ATAD2B: variants seen among roughly 807,000 people sequenced by gnomAD.
ATAD2B encodes the protein ATPase family AAA domain-containing protein 2B.
In ATAD2B, 40 loss-of-function variants were observed where a neutral mutation model predicts 167.6. The observed-to-expected ratio is 0.24, with a 90% CI of 0.19 to 0.31. The LOEUF (loss-of-function observed/expected upper bound fraction) is 0.31. Ranked by LOEUF, ATAD2B falls within the 10% of genes least tolerant of loss-of-function variation. The pLI is 1.00. For synonymous variants in ATAD2B, 579 were observed against 596.5 expected (o/e 0.97, Z 0.43); for missense variants, 1,242 against 1,757.2 (o/e 0.71, Z 5.24).
At chr2:23,805,883 C>T (rs1684312477) in intron 18 of ATAD2B, among the ~76,000 whole-genome samples, 1 of 147,460 alleles carries the variant, frequency 6.8e-6, no homozygotes, top group Admixed American at 6.7e-5. Flanking sequence ...TTTTTATTTT[C>T]CCCCATAAAT....
At chr2:23,876,042 G>A in intron 7 of ATAD2B, 138 bp from the exon 8 acceptor site, 1 of 636,176 alleles carries the variant, frequency 1.6e-6, no homozygotes, top group Non-Finnish European at 2.7e-6. Flanking sequence ...ACGCCAGGCT[G>A]GAATGCAGTG....
the ATAD2B span, among the ~76,000 whole-genome samples, chr2:23,734,776 TGGG>T: frequency 6.6e-6 from 1 of 152,176 alleles, no homozygotes; most frequent in Admixed American, 6.5e-5. Flanking sequence ...ACATGAGATG[TGGG>T]TGGGGACACA....
intron 21 of ATAD2B, among the ~76,000 whole-genome samples, 177 bp from the exon 22 acceptor site, chr2:23,783,205 C>T (rs1680315360): frequency 6.6e-6 from 1 of 151,648 alleles, no homozygotes; most frequent in South Asian, 2.1e-4. Flanking sequence ...GTCATACTTT[C>T]CATGAAAGCT....
At chr2:23,695,644 G>A in the ATAD2B span, 7 of 1,551,050 alleles carry the variant, frequency 4.5e-6, no homozygotes, top group South Asian at 1.2e-5. This position sits in a 1 kb window ranked among gnomAD's most constrained non-coding sequence, Gnocchi z 7.6. Flanking sequence ...GCTCCTGGCC[G>A]TGGTCCGCCT....
the ATAD2B span, among the ~76,000 whole-genome samples, chr2:23,698,992 A>AGAT: frequency 6.6e-6 from 1 of 152,256 alleles, no homozygotes; most frequent in Admixed American, 6.5e-5. Flanking sequence ...CTTAAAAAGC[A>AGAT]GATATCTGAA....
chr2:23,853,759 A>C (rs950834249), intron 13 of ATAD2B, among the ~76,000 whole-genome samples: 1 of 152,228 alleles, frequency 6.6e-6, no homozygotes, highest in Admixed American at 6.5e-5. Context: ...AAAAAGAACA[A>C]ATTTGGAGGA....
At chr2:23,794,112 C>T (rs866511075) in intron 19 of ATAD2B, among the ~76,000 whole-genome samples, 13 of 152,148 alleles carry the variant, frequency 8.5e-5, no homozygotes, top group African/African-American at 1.2e-4. Flanking sequence ...CAGGCTTAAG[C>T]GATCCTCCCA....
rs1395767951 is a variant in ATAD2B at position 23,879,592 on chromosome 2, T to C, written c.901+1047A>G. Among the ~76,000 whole-genome samples, 3 of 152,184 alleles carry C rather than the reference T, an allele frequency of 2.0e-5. 1 individual carries two copies. The highest frequency in any genetic ancestry group is 4.4e-5 in the Non-Finnish European group (3 of 68,034). ...TCTGAACAGCCATTACACTGCACCA[T>C]GAACAACATAGTGAGATCCCTTCTC... On this transcript the variant is annotated intron_variant, in intron 7 of 27. Transcript: ENST00000238789.
At chr2:23,818,205 G>A (rs1316717139) in intron 17 of ATAD2B, among the ~76,000 whole-genome samples, 1 of 85,956 alleles carries the variant, frequency 1.2e-5, no homozygotes, top group South Asian at 5.6e-4. Flanking sequence ...GGGAAGAAGA[G>A]AGGGAGAGGG....
intron 16 of ATAD2B, among the ~76,000 whole-genome samples, chr2:23,821,783 G>A (rs954135942): frequency 1.4e-4 from 21 of 152,014 alleles, no homozygotes; most frequent in African/African-American, 4.8e-4. Context: ...TGTTTTTCCT[G>A]TAAATGAGTG....
chr2:23,701,801 T>C, the ATAD2B span, among the ~76,000 whole-genome samples: 3 of 138,310 alleles, frequency 2.2e-5, no homozygotes, highest in African/African-American at 5.5e-5. Context: ...TGCTTTTTTT[T>C]TTTTTTTTTT....
intron 6 of ATAD2B, among the ~76,000 whole-genome samples, chr2:23,884,523 T>C (rs574109629): frequency 1.3e-5 from 2 of 152,170 alleles, no homozygotes; most frequent in African/African-American, 2.4e-5. Flanking sequence ...ACTGAAGGAC[T>C]ACCAATGGCT....
the ATAD2B span, among the ~76,000 whole-genome samples, chr2:23,729,159 C>T: frequency 6.6e-6 from 1 of 152,192 alleles, no homozygotes; most frequent in South Asian, 2.1e-4. Flanking sequence ...TTGGGGATTA[C>T]AATTCAACAT....
intron 24 of ATAD2B, among the ~76,000 whole-genome samples, chr2:23,761,911 A>C (rs13419385): frequency 0.095 from 14,523 of 152,280 alleles, 758 homozygotes; most frequent in Middle Eastern, 0.12. Context: ...ACAGGGGCAT[A>C]TAAAAATTCT....
the ATAD2B span, among the ~76,000 whole-genome samples, chr2:23,695,461 G>C: frequency 3.0e-4 from 45 of 152,198 alleles, no homozygotes; most frequent in African/African-American, 1.0e-3. The surrounding 1 kb of genome is among the most constrained non-coding windows in gnomAD (Gnocchi z 7.6). Flanking sequence ...CAGCTGACTA[G>C]ACTTCCCTTC....
chr2:23,864,776 A>G (rs953034041), intron 11 of ATAD2B, 33 bp downstream of exon 11: 4 of 1,019,866 alleles, frequency 3.9e-6, no homozygotes, highest in Non-Finnish European at 5.8e-6. Flanking sequence ...AGTAACAGTA[A>G]TAACAATAAT....
At chr2:23,807,972 TA>T (rs980157902) in intron 18 of ATAD2B, among the ~76,000 whole-genome samples, 14 of 116,442 alleles carry the variant, frequency 1.2e-4, no homozygotes, top group African/African-American at 4.4e-4. Flanking sequence ...ATATATATTA[TA>T]AATATATTTA....
chr2:23,822,048 G>A (rs1687526154), intron 16 of ATAD2B, among the ~76,000 whole-genome samples: 1 of 152,154 alleles, frequency 6.6e-6, no homozygotes, highest in African/African-American at 2.4e-5. Flanking sequence ...TCTAAAATGA[G>A]GTTCTTATTT....
chr2:23,767,275 T>G (rs1173933907), intron 22 of ATAD2B, among the ~76,000 whole-genome samples: 1 of 152,110 alleles, frequency 6.6e-6, no homozygotes, highest in African/African-American at 2.4e-5. Flanking sequence ...CTCTTTAAAT[T>G]AGCCAATCGG....
Sources: gnomAD v4.1 joint callset for allele counts (sites outside exome capture counted in the v4.1 genomes callset) on GRCh38, gnomAD v4.1.1 for gene constraint, Gnocchi (gnomAD v3.1) non-coding constraint, MANE v1.5 for transcripts, NCBI Gene and HGNC (gene_info 2026-07-23, HGNC 2026-07-21) for gene names.